Variants in RGS3 observed in about 807,000 individuals in gnomAD.
The protein encoded by RGS3 is regulator of G protein signaling 3.
In RGS3, 80 loss-of-function variants were observed where a neutral mutation model predicts 132.6. The ratio of observed to expected loss-of-function variants is 0.60; its 90% confidence interval spans 0.50 to 0.73. The LOEUF is 0.73. Among genes scored for constraint, RGS3 ranks in the 30% least tolerant of loss-of-function variants. The pLI, the probability that RGS3 is intolerant of heterozygous loss-of-function variation, is 0.00. For missense variants in RGS3, 1,382 were observed against 1,530.8 expected (o/e 0.90, Z 1.62); for synonymous variants, 598 against 620.6 (o/e 0.96, Z 0.54).
chr9:113,476,414 G>A (rs1054030741), intron 3 of RGS3, among the ~76,000 whole-genome samples: 25 of 152,284 alleles, frequency 1.6e-4, no homozygotes, highest in Admixed American at 1.6e-3. Flanking sequence ...GACATTTGGT[G>A]GAGTAGCATG....
chr9:113,447,037 G>A (rs753529603), intron 1 of RGS3, among the ~76,000 whole-genome samples: 1 of 151,914 alleles, frequency 6.6e-6, no homozygotes, highest in East Asian at 1.9e-4. Context: ...CGAGGTGGGT[G>A]GATCACGAGG....
At chr9:113,466,792 A>G (rs867292873) in intron 3 of RGS3, among the ~76,000 whole-genome samples, 22 of 152,244 alleles carry the variant, frequency 1.4e-4, no homozygotes, top group African/African-American at 5.3e-4. Context: ...GGTTTTTAGT[A>G]TATTCACAGA....
At chr9:113,551,805 G>A (rs1833352554) in intron 19 of RGS3, among the ~76,000 whole-genome samples, 1 of 152,172 alleles carries the variant, frequency 6.6e-6, no homozygotes, top group Non-Finnish European at 1.5e-5. Flanking sequence ...GTTGCACGGA[G>A]CTAAGATCAT....
intron 4 of RGS3, among the ~76,000 whole-genome samples, chr9:113,480,896 A>T (rs764962921): frequency 6.6e-6 from 1 of 152,192 alleles, no homozygotes. Context: ...TGTTTAGCCC[A>T]GAAGGCCCTG....
exon 19 of RGS3, chr9:113,536,862 C>G (rs771611457): frequency 6.2e-7 from 1 of 1,614,174 alleles, no homozygotes; most frequent in East Asian, 2.2e-5. Context: ...GTGCTGGTGC[C>G]TGTCGGAGAA....
chr9:113,597,411 C>T (rs908807468), exon 25 of RGS3: 2 of 154,836 alleles, frequency 1.3e-5, no homozygotes, highest in South Asian at 2.0e-4. Flanking sequence ...CTTGGCACGT[C>T]GTCCTGTAAT....
chr9:113,520,300 C>T (rs371714066), intron 16 of RGS3, among the ~76,000 whole-genome samples: 7 of 152,354 alleles, frequency 4.6e-5, no homozygotes, highest in East Asian at 3.9e-4. Context: ...ATGCCCTCCC[C>T]GGCACGCTTG....
rs182820816 is a variant in RGS3, at chr9:113,484,297, C to G, written c.620+65C>G. The G allele has an allele frequency of 1.4e-5, 7 of 496,668 alleles. 1 individual carries two copies. In the Admixed American group the frequency reaches 1.7e-4, roughly 12 times the overall value. 30.8% of individuals were successfully genotyped at this position (496,668 alleles called of 1,614,324 possible). ...AAGGAGTGTTTATCTGGAAACAGCT[C>G]TGTTTGCCAAATCTAGAACTAGATC... On this transcript the variant is annotated intron_variant, in intron 6 of 24. Transcript: ENST00000350696.
At chr9:113,542,469 G>A (rs984535728) in intron 19 of RGS3, among the ~76,000 whole-genome samples, 4 of 152,198 alleles carry the variant, frequency 2.6e-5, no homozygotes, top group Non-Finnish European at 4.4e-5. Flanking sequence ...TAGGGGGCTC[G>A]TTCAGTTCTC....
chr9:113,480,524 C>A (rs534380417), intron 4 of RGS3, among the ~76,000 whole-genome samples: 3 of 151,424 alleles, frequency 2.0e-5, no homozygotes, highest in Admixed American at 6.6e-5. Flanking sequence ...TAGCTCTGTG[C>A]TAGGGGCTGG....
intron 4 of RGS3, among the ~76,000 whole-genome samples, chr9:113,480,166 A>C (rs1266166533): frequency 1.3e-5 from 2 of 152,154 alleles, no homozygotes; most frequent in African/African-American, 4.8e-5. Context: ...TGTTAGATAA[A>C]ATAGAAAACT....
exon 7 of RGS3, chr9:113,485,649 G>A (rs774015206): frequency 6.3e-7 from 1 of 1,599,012 alleles, no homozygotes; most frequent in Non-Finnish European, 8.5e-7. Context: ...AGGATGATCA[G>A]AAGCGTCTCT....
At chr9:113,522,857 T>C in intron 16 of RGS3, 73 bp from the exon 15 acceptor site, 1 of 943,240 alleles carries the variant, frequency 1.1e-6, no homozygotes, top group Admixed American at 1.7e-5. Context: ...CCCCACCTTC[T>C]CGGGGAGGTT....
At chr9:113,549,623 C>A (rs149342749) in intron 19 of RGS3, among the ~76,000 whole-genome samples, 154 of 152,302 alleles carry the variant, frequency 1.0e-3, no homozygotes, top group South Asian at 8.7e-3. Context: ...TGGAATGTGT[C>A]CTGTCAGGCA....
chr9:113,475,476 G>T (rs549822240), intron 3 of RGS3, among the ~76,000 whole-genome samples: 1 of 152,294 alleles, frequency 6.6e-6, no homozygotes, highest in East Asian at 1.9e-4. Context: ...TGCAATCATA[G>T]CTCACTACAA....
At chr9:113,503,881 A>G (rs1165986989) in intron 10 of RGS3, among the ~76,000 whole-genome samples, 1 of 151,470 alleles carries the variant, frequency 6.6e-6, no homozygotes, top group Non-Finnish European at 1.5e-5. Context: ...AGCTTTCCAC[A>G]CTCGTACCCG....
chr9:113,449,628 T>C (rs921357926), intron 1 of RGS3, among the ~76,000 whole-genome samples: 2 of 152,212 alleles, frequency 1.3e-5, no homozygotes, highest in South Asian at 4.1e-4. Context: ...ACCATGTGTA[T>C]TTTATGGTTG....
chr9:113,517,855 C>T (rs1044424784), intron 16 of RGS3, among the ~76,000 whole-genome samples: 1 of 152,200 alleles, frequency 6.6e-6, no homozygotes, highest in African/African-American at 2.4e-5. Context: ...AAAGTTTCCC[C>T]AGCCCCTAAA....
At chr9:113,473,276 TA>T (rs1829890784) in intron 3 of RGS3, among the ~76,000 whole-genome samples, 1 of 152,240 alleles carries the variant, frequency 6.6e-6, no homozygotes, top group African/African-American at 2.4e-5. Flanking sequence ...GGACAAATTT[TA>T]AACCCATGAT....
Sources: allele counts gnomAD v4.1 joint callset (sites outside exome capture counted in the v4.1 genomes callset), GRCh38; gene constraint gnomAD v4.1.1; transcripts MANE v1.5; gene names NCBI Gene and HGNC (gene_info 2026-07-23, HGNC 2026-07-21).